Variants in BDH1 observed in about 807,000 individuals in gnomAD.
BDH1 encodes 3-hydroxybutyrate dehydrogenase 1.
A neutral mutation model predicts 33.1 loss-of-function variants in BDH1; 30 were observed. That is an observed-to-expected ratio of 0.91 (90% confidence interval 0.68 to 1.23). BDH1 has a LOEUF of 1.23. BDH1 is among the 50% of genes most tolerant of loss of function. The pLI, the probability that BDH1 is intolerant of heterozygous loss-of-function variation, is 0.00. For missense variants in BDH1, 443 were observed against 464.4 expected (o/e 0.95, Z 0.42); for synonymous variants, 190 against 183.6 (o/e 1.03, Z -0.28).
intron 5 of BDH1, chr3:197,530,696 A>G (rs1336549991): frequency 6.6e-6 from 1 of 152,612 alleles, no homozygotes; most frequent in Non-Finnish European, 1.5e-5. Flanking sequence ...TTTACAGGAG[A>G]TTTTGATGAA....
chr3:197,559,258 C>T (rs1717185505), upstream of BDH1, among the ~76,000 whole-genome samples: 1 of 152,048 alleles, frequency 6.6e-6, no homozygotes, highest in African/African-American at 2.4e-5. Context: ...CCTCAGCCTC[C>T]CAAAGTGCTG....
chr3:197,549,184 G>T (rs763040146), intron 2 of BDH1, among the ~76,000 whole-genome samples: 2 of 152,156 alleles, frequency 1.3e-5, no homozygotes, highest in Non-Finnish European at 2.9e-5. Context: ...AGCACAGGGG[G>T]CTTGACTCCC....
At chr3:197,545,888 GCAC>G (rs1387338424) in intron 3 of BDH1, among the ~76,000 whole-genome samples, 1 of 152,234 alleles carries the variant, frequency 6.6e-6, no homozygotes, top group African/African-American at 2.4e-5. Flanking sequence ...TGTAAACCTA[GCAC>G]TTTGGGAGGC....
chr3:197,559,242 T>G (rs2686101), upstream of BDH1, among the ~76,000 whole-genome samples: 1 of 151,846 alleles, frequency 6.6e-6, no homozygotes, highest in Non-Finnish European at 1.5e-5. Flanking sequence ...TCAGATGATC[T>G]GCCCACCTCA....
chr3:197,542,769 G>A (rs1223161437), intron 3 of BDH1, among the ~76,000 whole-genome samples: 3 of 151,984 alleles, frequency 2.0e-5, no homozygotes, highest in Admixed American at 6.6e-5. Context: ...TGATCCGCCC[G>A]CCTCAGCCTC....
rs368068208 is a variant in BDH1 at position 197,514,619 on chromosome 3, G to A, written c.410-203C>T. Among the ~76,000 whole-genome samples, 55 of 152,206 alleles carry A rather than the reference G, an allele frequency of 3.6e-4. No individual in the cohort carries two copies. The South Asian group carries it at 8.9e-3, about 25-fold the overall frequency. The stretch of plus-strand genomic sequence containing the variant: ...AGTGCTGACTGCAGCCCTCCCTTGC[G>A]TCTAGAATGTCCAGTCCTCACGTCA... On this transcript the variant is annotated intron_variant, in intron 6 of 7. Coordinates refer to ENST00000392379, the MANE Select transcript of BDH1 (RefSeq NM_203314.3). The surrounding 1 kb of genome is among the most constrained non-coding windows in gnomAD (Gnocchi z 4.2).
In BDH1 at chr3:197,523,031, C is replaced by T; in HGVS notation, c.268-250G>A. 1 of 476,078 alleles carries T rather than the reference C, an allele frequency of 2.1e-6. No homozygotes were observed. The highest frequency in any genetic ancestry group is 3.7e-6 in the Non-Finnish European group (1 of 273,004). 29.5% of individuals were successfully genotyped at this position (476,078 alleles called of 1,614,324 possible). A position where few individuals can be genotyped will look rare whatever the true frequency, so the allele number is the denominator to read the frequency against. On this transcript the variant is annotated intron_variant, in intron 5 of 7. Coordinates refer to ENST00000392379, the MANE Select transcript of BDH1 (RefSeq NM_203314.3). The surrounding 1 kb of genome is among the most constrained non-coding windows in gnomAD (Gnocchi z 4.5). Reference sequence around the variant, plus strand: ...GATGAAGAGCCGGCCCCCAAGGCCTCAAGACAGGATTCCTTCTCCAAGCAG... The same window carrying T: ...GATGAAGAGCCGGCCCCCAAGGCCTTAAGACAGGATTCCTTCTCCAAGCAG...
intron 2 of BDH1, among the ~76,000 whole-genome samples, chr3:197,549,987 T>TATATATATATATATATATATA (rs1407118020): frequency 1.7e-5 from 2 of 121,102 alleles, no homozygotes; most frequent in African/African-American, 7.5e-5. Flanking sequence ...ATATATATAT[T>TATATATATATATATATATATA]TGGCCATTCC....
intron 3 of BDH1, among the ~76,000 whole-genome samples, chr3:197,535,123 C>T (rs1436507029): frequency 6.6e-6 from 1 of 152,088 alleles, no homozygotes; most frequent in Non-Finnish European, 1.5e-5. Context: ...TTCCCAGGGC[C>T]CCTGCCTCCT....
upstream of BDH1, among the ~76,000 whole-genome samples, chr3:197,557,264 C>CT (rs1220798142): frequency 6.6e-6 from 1 of 152,242 alleles, no homozygotes; most frequent in Non-Finnish European, 1.5e-5. This position sits in a 1 kb window ranked among gnomAD's most constrained non-coding sequence, Gnocchi z 4.6. Context: ...GGCCATTTCA[C>CT]TTGCGTGCAT....
chr3:197,533,372 C>T (rs1714869630), intron 4 of BDH1, 117 bp downstream of exon 4: 1 of 1,037,020 alleles, frequency 9.6e-7, no homozygotes, highest in Non-Finnish European at 1.5e-6. Context: ...GAGAAAGTGG[C>T]TCCCAGTGTC....
At chr3:197,533,348 G>C (rs951936002) in intron 4 of BDH1, 141 bp downstream of exon 4, 31 of 817,516 alleles carry the variant, frequency 3.8e-5, no homozygotes, top group South Asian at 6.5e-5. Flanking sequence ...AGGGGCTTTG[G>C]GGGAGGGTTA....
At chr3:197,559,047 G>A (rs563002941), upstream of BDH1, among the ~76,000 whole-genome samples, 5 of 149,316 alleles carry the variant, frequency 3.3e-5, no homozygotes, top group East Asian at 9.8e-4. Flanking sequence ...TTGTTACCCA[G>A]GCTGGAGTGC....
At chr3:197,515,358 T>C in intron 6 of BDH1, 12 of 985,718 alleles carry the variant, frequency 1.2e-5, no homozygotes, top group Non-Finnish European at 1.4e-5. Flanking sequence ...AGGTCTCACC[T>C]GTGACCTCGC....
In BDH1 at chr3:197,523,030, TCAAGAC is replaced by T. The variant is rs1444507150; in HGVS notation, c.268-255_268-250del. 2.1e-6 allele frequency: 1 copy of T among 477,802 alleles called. No homozygotes were observed. The highest frequency in any genetic ancestry group is 2.0e-5 in the African/African-American group (1 of 50,860). The allele number at this position is 477,802 out of a possible 1,614,324, so 29.6% of individuals were successfully genotyped here. A position where few individuals can be genotyped will look rare whatever the true frequency, so the allele number is the denominator to read the frequency against. On this transcript the variant is annotated intron_variant, in intron 5 of 7. Transcript: ENST00000392379. This position sits in a 1 kb window ranked among gnomAD's most constrained non-coding sequence, Gnocchi z 4.5. ...GGATGAAGAGCCGGCCCCCAAGGCCTCAAGACAGGATTCCTTCTCCAAGCAGGGGTT... is the reference window on the plus strand; with the variant it reads ...GGATGAAGAGCCGGCCCCCAAGGCCTAGGATTCCTTCTCCAAGCAGGGGTT...
intron 3 of BDH1, among the ~76,000 whole-genome samples, chr3:197,545,201 C>A (rs1044516106): frequency 2.0e-5 from 3 of 152,062 alleles, no homozygotes; most frequent in Non-Finnish European, 4.4e-5. Flanking sequence ...GCTCAGACTG[C>A]AAAAGAGTAA....
Position 197,514,287 on chromosome 3 carries a change from A to G in BDH1, c.539T>C (p.Leu180Pro). The change falls in exon 7 of 8, where the codon CTC becomes CCC. Residue 180 changes from leucine (L) to proline (P), a missense_variant. Coordinates refer to ENST00000392379, the MANE Select transcript of BDH1 (RefSeq NM_203314.3). This position sits in a 1 kb window ranked among gnomAD's most constrained non-coding sequence, Gnocchi z 4.2. ...ACCTTTGGCCCTTCGGATGAGGGGG[A>G]GAAAGGATTTCGTCATCCGCACTGT... ...WGTVRMTKSF[L>P]PLIRRAKGRV... 6.2e-7 allele frequency: 1 copy of G among 1,613,090 alleles called. No homozygotes were observed. Among genetic ancestry groups the G allele is most frequent in the Non-Finnish European group, 8.5e-7 (1 of 1,179,476 alleles).
rs577736274 is a variant in BDH1 at position 197,526,514 on chromosome 3, C to T, written c.268-3733G>A. On this transcript the variant is annotated intron_variant, in intron 5 of 7. Transcript: ENST00000392379. This position sits in a 1 kb window ranked among gnomAD's most constrained non-coding sequence, Gnocchi z 4.7. ...ACAAAGATTCTGCCACGGAGACCTC[C>T]GACTGCCACTCCAGACGCAGGGCAG... 1.1e-3 allele frequency among the ~76,000 whole-genome samples: 160 copies of T among 152,294 alleles called. 1 individual carries two copies. Among genetic ancestry groups the T allele is most frequent in the African/African-American group, 3.6e-3 (150 of 41,566 alleles).
intron 2 of BDH1, among the ~76,000 whole-genome samples, chr3:197,548,679 TGTC>T (rs1560336640): frequency 6.6e-6 from 1 of 151,216 alleles, no homozygotes; most frequent in Admixed American, 6.6e-5. Flanking sequence ...GGTGAAACCC[TGTC>T]TCTACTAAAA....
Sources: allele counts gnomAD v4.1 joint callset (sites outside exome capture counted in the v4.1 genomes callset), GRCh38; gene constraint gnomAD v4.1.1; non-coding constraint Gnocchi (gnomAD v3.1); transcripts MANE v1.5; gene names NCBI Gene and HGNC (gene_info 2026-07-23, HGNC 2026-07-21).